UBE2K: variants seen among roughly 807,000 people sequenced by gnomAD.
UBE2K encodes ubiquitin-conjugating enzyme E2 K.
UBE2K carries 6 observed loss-of-function variants against 30.0 expected under a neutral mutation model. The ratio of observed to expected loss-of-function variants is 0.20; its 90% CI spans 0.11 to 0.39. The LOEUF (loss-of-function observed/expected upper bound fraction) is 0.39, where lower values mean the gene tolerates loss of function less well. Ranked by LOEUF, UBE2K falls within the 10% of genes least tolerant of loss-of-function variation. UBE2K has a pLI of 1.00. For synonymous variants in UBE2K, 86 were observed against 83.7 expected (o/e 1.03, Z -0.15); for missense variants, 61 against 241.6 (o/e 0.25, Z 4.96).
In UBE2K at chr4:39,730,810, C is replaced by CTTT. The variant is rs569251225; in HGVS notation, c.64-6593_64-6591dup. 2.8e-3 allele frequency among the ~76,000 whole-genome samples: 254 copies of CTTT among 89,658 alleles called. 6 individuals are homozygous for CTTT. Among genetic ancestry groups the CTTT allele is most frequent in the African/African-American group, 0.01 (246 of 24,428 alleles). 58.8% of individuals were successfully genotyped at this position (89,658 alleles called of 152,430 possible). A position where few individuals can be genotyped will look rare whatever the true frequency, so the allele number is the denominator to read the frequency against. On this transcript the variant is annotated intron_variant, in intron 1 of 6. Coordinates refer to ENST00000261427, the MANE Select transcript of UBE2K (RefSeq NM_005339.5). ...TAATAATTGCTAGCTGCTATAGCTT[C>CTTT]TTTTTTTTTTTTTTTTTTTGAGACA... is the stretch of plus-strand genomic sequence containing the variant.
chr4:39,720,459 A>G (rs1190786328), intron 1 of UBE2K, among the ~76,000 whole-genome samples: 4 of 151,860 alleles, frequency 2.6e-5, no homozygotes, highest in Admixed American at 1.3e-4. Flanking sequence ...AATGCTACCT[A>G]TGTTAATAAA....
intron 3 of UBE2K, among the ~76,000 whole-genome samples, 197 bp downstream of exon 3, chr4:39,746,007 A>G (rs1720970624): frequency 6.6e-6 from 1 of 152,096 alleles, no homozygotes; most frequent in Admixed American, 6.6e-5. Flanking sequence ...AACTCACCCA[A>G]AGGCAGCCAG....
chr4:39,724,183 C>A (rs1419040002), intron 1 of UBE2K, among the ~76,000 whole-genome samples: 3 of 148,512 alleles, frequency 2.0e-5, no homozygotes, highest in African/African-American at 7.5e-5. Context: ...TCATGGCTTA[C>A]TACAACCTGG....
chr4:39,731,662 AT>A (rs1409492355), intron 1 of UBE2K, among the ~76,000 whole-genome samples: 5 of 152,296 alleles, frequency 3.3e-5, no homozygotes, highest in African/African-American at 7.2e-5. Flanking sequence ...TCTCAAAAAA[AT>A]AAAAAAAAAA....
chr4:39,760,527 A>G (rs1711855231), intron 4 of UBE2K, among the ~76,000 whole-genome samples: 1 of 152,200 alleles, frequency 6.6e-6, no homozygotes, highest in African/African-American at 2.4e-5. Context: ...TTGAGTGACA[A>G]AAGCCAGACA....
intron 3 of UBE2K, among the ~76,000 whole-genome samples, chr4:39,748,823 A>T (rs1021473107): frequency 1.3e-5 from 2 of 152,316 alleles, no homozygotes; most frequent in South Asian, 4.1e-4. Flanking sequence ...AATAACAAAA[A>T]AAAATAAAGA....
At chr4:39,761,645 A>G (rs1711953326) in intron 4 of UBE2K, among the ~76,000 whole-genome samples, 1 of 152,190 alleles carries the variant, frequency 6.6e-6, no homozygotes, top group Non-Finnish European at 1.5e-5. Flanking sequence ...TTTGCCTGTT[A>G]GGATTTGTTA....
intron 3 of UBE2K, among the ~76,000 whole-genome samples, chr4:39,746,130 G>C (rs1720977238): frequency 6.6e-6 from 1 of 152,010 alleles, no homozygotes; most frequent in African/African-American, 2.4e-5. Flanking sequence ...ATAGACAGAG[G>C]TTCTTACTTG....
In UBE2K at chr4:39,705,562, G is replaced by A. The variant is rs1446691030; in HGVS notation, c.63+7172G>A. On this transcript the variant is annotated intron_variant, in intron 1 of 6. Coordinates refer to ENST00000261427, the MANE Select transcript of UBE2K (RefSeq NM_005339.5). ...ACAGTTATTGAAAATATTGACTATAGCCCCAAAAGGCTTAACTGGTTAGAG... is the reference window on the plus strand; with the variant it reads ...ACAGTTATTGAAAATATTGACTATAACCCCAAAAGGCTTAACTGGTTAGAG... Among the ~76,000 whole-genome samples the A allele has an allele frequency of 1.3e-5, 2 of 151,992 alleles. 1 individual carries two copies. Among genetic ancestry groups the A allele is most frequent in the Non-Finnish European group, 2.9e-5 (2 of 67,960 alleles).
In UBE2K at chr4:39,722,086, G is replaced by T. The variant is rs1003539356; in HGVS notation, c.64-15334G>T. ...GGCCTAGGTGACAGAGTAAGACCCT[G>T]TCTCCAAAAAAAACCCCAAACTTCT... On this transcript the variant is annotated intron_variant, in intron 1 of 6. Transcript: ENST00000261427. 3.9e-5 allele frequency among the ~76,000 whole-genome samples: 6 copies of T among 151,936 alleles called. No homozygotes were observed. The South Asian group carries it at 1.2e-3, about 32-fold the overall frequency.
At chr4:39,727,290 G>A (rs1719806847) in intron 1 of UBE2K, among the ~76,000 whole-genome samples, 1 of 152,186 alleles carries the variant, frequency 6.6e-6, no homozygotes, top group African/African-American at 2.4e-5. Context: ...CTGGAGAGTA[G>A]GACTTGATGT....
rs1713418899 is a variant in UBE2K, at chr4:39,778,616, T to A, written c.*182T>A. The A allele has an allele frequency of 2.2e-6, 1 of 457,446 alleles. No homozygotes were observed. Among genetic ancestry groups the A allele is most frequent in the South Asian group, 4.4e-5 (1 of 22,786 alleles). The allele number at this position is 457,446 out of a possible 1,614,324, so 28.3% of individuals were successfully genotyped here. A position where few individuals can be genotyped will look rare whatever the true frequency, so the allele number is the denominator to read the frequency against. On this transcript the variant is annotated 3_prime_UTR_variant, in exon 7 of 7. Transcript: ENST00000261427. The stretch of plus-strand genomic sequence containing the variant: ...CTCTGTAAATAAAGCTAATTAAACG[T>A]CTGTGTAAATTTAAAAAGGGGAAAT...
At chr4:39,752,311 ATTTTTTTTTTTTTCTTTTTTTTTC>A (rs1721299532) in intron 3 of UBE2K, among the ~76,000 whole-genome samples, 1 of 118,544 alleles carries the variant, frequency 8.4e-6, no homozygotes, top group African/African-American at 3.2e-5. Context: ...CGCCTGGCTA[ATTTTTTTTTTTTTCTTTTTTTTTC>A]TTTTTTTTTT....
At chr4:39,743,606 A>G (rs1468034559) in intron 2 of UBE2K, among the ~76,000 whole-genome samples, 3 of 150,690 alleles carry the variant, frequency 2.0e-5, no homozygotes, top group African/African-American at 4.9e-5. Context: ...TCCGTCTCAA[A>G]AAAAAAAAAA....
chr4:39,722,865 G>A lies in UBE2K; in HGVS notation c.64-14555G>A, dbSNP rs560950262. 4.1e-5 allele frequency among the ~76,000 whole-genome samples: 6 copies of A among 145,686 alleles called. No homozygotes were observed. In the South Asian group the frequency reaches 8.7e-4, roughly 21 times the overall value. ...AGCTGGAGTGCAGTGGCATGATCTC[G>A]GCTCACTGCAACCTTCGCCTCCCAG... On this transcript the variant is annotated intron_variant, in intron 1 of 6. Transcript: ENST00000261427.
At chr4:39,776,433 A>G (rs1224220682) in intron 5 of UBE2K, among the ~76,000 whole-genome samples, 1 of 152,150 alleles carries the variant, frequency 6.6e-6, no homozygotes, top group East Asian at 1.9e-4. Context: ...TACTTCACTA[A>G]CAAAAACTTG....
intron 4 of UBE2K, among the ~76,000 whole-genome samples, chr4:39,767,026 C>T (rs1162189887): frequency 6.6e-6 from 1 of 152,160 alleles, no homozygotes; most frequent in East Asian, 1.9e-4. Flanking sequence ...GCTGGGATTA[C>T]AGGTGTGAGC....
chr4:39,781,923 T>G lies in UBE2K; in HGVS notation c.*3489T>G, dbSNP rs1389143657. 2 of 398,354 alleles carry G rather than the reference T, an allele frequency of 5.0e-6. No individual in the cohort carries two copies. The highest frequency in any genetic ancestry group is 8.9e-6 in the Non-Finnish European group (2 of 225,926). 24.7% of individuals were successfully genotyped at this position (398,354 alleles called of 1,614,324 possible). ...TTGCTGTCACTGGGAAGAAGGCAAC[T>G]TGAAGTATTTACTGATAAAATAGCC... is the stretch of plus-strand genomic sequence containing the variant. On this transcript the variant is annotated 3_prime_UTR_variant, in exon 7 of 7. Coordinates refer to ENST00000261427, the MANE Select transcript of UBE2K (RefSeq NM_005339.5).
chr4:39,746,723 CTA>C (rs1328329530), intron 3 of UBE2K, among the ~76,000 whole-genome samples: 1 of 152,162 alleles, frequency 6.6e-6, no homozygotes, highest in East Asian at 1.9e-4. Flanking sequence ...CCACAGCTTT[CTA>C]TCAGTTTCAC....
Sources: allele counts gnomAD v4.1 joint callset (sites outside exome capture counted in the v4.1 genomes callset), GRCh38; gene constraint gnomAD v4.1.1; transcripts MANE v1.5; gene names NCBI Gene and HGNC (gene_info 2026-07-23, HGNC 2026-07-21).